The following LARP4B variants were observed in gnomAD, a reference collection of about 807,000 sequenced individuals.
The protein encoded by LARP4B is la-related protein 4B.
LARP4B carries 12 observed loss-of-function variants against 89.8 expected under a neutral mutation model. The observed-to-expected ratio is 0.13, with a 90% CI of 0.09 to 0.22. The LOEUF is 0.22. Among genes scored for constraint, LARP4B ranks in the 10% least tolerant of loss-of-function variants. The pLI is 1.00. For synonymous variants in LARP4B, 367 were observed against 363.3 expected, an observed-to-expected ratio of 1.01 and a Z score of -0.12; for missense variants, 757 against 947.7, an observed-to-expected ratio of 0.80 and a Z score of 2.64.
intron 1 of LARP4B, among the ~76,000 whole-genome samples, chr10:899,420 C>T (rs1836273843): frequency 6.6e-6 from 1 of 152,212 alleles, no homozygotes; most frequent in Non-Finnish European, 1.5e-5. Flanking sequence ...TTGCCATGTT[C>T]TGCACATTCT....
intron 5 of LARP4B, among the ~76,000 whole-genome samples, chr10:856,002 G>A (rs910243311): frequency 2.6e-5 from 4 of 152,218 alleles, no homozygotes; most frequent in African/African-American, 9.6e-5. Flanking sequence ...TGCAATAGCT[G>A]CAGATTCCTA....
the LARP4B span, among the ~76,000 whole-genome samples, chr10:949,459 C>T: frequency 6.6e-6 from 1 of 152,000 alleles, no homozygotes; most frequent in African/African-American, 2.4e-5. Context: ...TGAGTGATCT[C>T]CAACCTGTTT....
chr10:953,621 C>G, the LARP4B span, among the ~76,000 whole-genome samples: 1 of 151,496 alleles, frequency 6.6e-6, no homozygotes, highest in Non-Finnish European at 1.5e-5. Context: ...AGGAAGAAAT[C>G]GCACCAGCCC....
intron 3 of LARP4B, among the ~76,000 whole-genome samples, chr10:883,766 C>A (rs1835760693): frequency 6.8e-6 from 1 of 146,846 alleles, no homozygotes; most frequent in Non-Finnish European, 1.5e-5. Flanking sequence ...GAGACCTCGT[C>A]TCTATTTGAA....
intron 5 of LARP4B, among the ~76,000 whole-genome samples, chr10:863,514 C>G (rs1034518298): frequency 1.3e-5 from 2 of 152,076 alleles, no homozygotes; most frequent in Non-Finnish European, 2.9e-5. Context: ...CAGGCGTGAG[C>G]CCCCGCGCCC....
At chr10:827,254 C>G (rs1037232783) in intron 11 of LARP4B, among the ~76,000 whole-genome samples, 1 of 140,778 alleles carries the variant, frequency 7.1e-6, no homozygotes, top group East Asian at 1.9e-4. Flanking sequence ...CCAGCCTGGG[C>G]GACAGAGAGA....
At chr10:872,183 A>T (rs1835240959) in intron 3 of LARP4B, among the ~76,000 whole-genome samples, 2 of 152,238 alleles carry the variant, frequency 1.3e-5, no homozygotes, top group African/African-American at 4.8e-5. Context: ...TTCTGCCTGT[A>T]AAGCCTCCAT....
chr10:978,222 T>C, the LARP4B span, among the ~76,000 whole-genome samples: 1 of 152,230 alleles, frequency 6.6e-6, no homozygotes, highest in Non-Finnish European at 1.5e-5. Context: ...TCTTTTACTT[T>C]ATTTTGCTGT....
At chr10:910,581 A>G (rs897728053) in intron 1 of LARP4B, among the ~76,000 whole-genome samples, 10 of 152,170 alleles carry the variant, frequency 6.6e-5, no homozygotes, top group Non-Finnish European at 1.3e-4. Flanking sequence ...CTTTCCTTTA[A>G]GAGTGAGGGC....
At chr10:917,726 C>G (rs1334678997) in intron 1 of LARP4B, among the ~76,000 whole-genome samples, 1 of 152,240 alleles carries the variant, frequency 6.6e-6, no homozygotes, top group Non-Finnish European at 1.5e-5. Context: ...CTTGGCTTGG[C>G]TTCCTAGCCT....
the LARP4B span, among the ~76,000 whole-genome samples, chr10:962,929 G>A: frequency 7.9e-5 from 12 of 152,184 alleles, no homozygotes; most frequent in African/African-American, 4.8e-5. Context: ...CCTGAACTCC[G>A]GACGCAGCCT....
intron 1 of LARP4B, among the ~76,000 whole-genome samples, chr10:897,987 C>CA (rs58452748): frequency 0.064 from 1,639 of 25,416 alleles, 179 homozygotes; most frequent in East Asian, 0.096. Context: ...GGCTCCATCT[C>CA]AAAAAAAAAA....
chr10:808,293 A>G (rs958245542), downstream of LARP4B: 2 of 152,260 alleles, frequency 1.3e-5, no homozygotes, highest in Non-Finnish European at 2.9e-5. Flanking sequence ...AGAAGACACA[A>G]AATATACTTC....
At position 844,962 on chromosome 10, in the gene LARP4B, C is replaced by T. The variant is rs1184339721; in HGVS notation, c.509+15G>A. 4 of 1,592,012 alleles carry T rather than the reference C, an allele frequency of 2.5e-6. No individual in the cohort carries two copies. Among genetic ancestry groups the T allele is most frequent in the Non-Finnish European group, 3.4e-6 (4 of 1,170,482 alleles). ...TAGAAATATCAGGTACTAGAAAAAC[C>T]ACCACCAGCCTTACCTAGATAAGCA... On this transcript the variant is annotated intron_variant, in intron 6 of 17. Coordinates refer to ENST00000316157, the MANE Select transcript of LARP4B (RefSeq NM_015155.3).
intron 3 of LARP4B, among the ~76,000 whole-genome samples, chr10:865,624 C>A (rs1834861508): frequency 6.6e-6 from 1 of 152,190 alleles, no homozygotes; most frequent in African/African-American, 2.4e-5. Context: ...AATAAACCCA[C>A]AAAAGTCCCC....
At chr10:897,867 A>C (rs1836232325) in intron 1 of LARP4B, among the ~76,000 whole-genome samples, 1 of 151,840 alleles carries the variant, frequency 6.6e-6, no homozygotes, top group Non-Finnish European at 1.5e-5. Flanking sequence ...GGGCGCCTAT[A>C]ATCTCAGTTA....
At chr10:938,983 G>C in the LARP4B span, among the ~76,000 whole-genome samples, 2,733 of 152,286 alleles carry the variant, frequency 0.018, 45 homozygotes, top group Non-Finnish European at 0.029. Flanking sequence ...GTTGAAGCTG[G>C]GTGTGATGGG....
the LARP4B span, among the ~76,000 whole-genome samples, chr10:975,267 G>A: frequency 6.6e-5 from 10 of 152,226 alleles, no homozygotes; most frequent in Admixed American, 2.0e-4. Context: ...TAATTCTCCT[G>A]ACGGCATCCA....
intron 5 of LARP4B, among the ~76,000 whole-genome samples, chr10:850,201 C>A (rs1833970764): frequency 6.6e-6 from 1 of 152,178 alleles, no homozygotes; most frequent in Non-Finnish European, 1.5e-5. Context: ...GAGACCTAAA[C>A]CTAACCAAAG....
Sources: allele counts gnomAD v4.1 joint callset (sites outside exome capture counted in the v4.1 genomes callset), GRCh38; gene constraint gnomAD v4.1.1; transcripts MANE v1.5; gene names NCBI Gene and HGNC (gene_info 2026-07-23, HGNC 2026-07-21).